Variants in DNM3 observed in about 807,000 individuals in gnomAD.
DNM3 encodes dynamin-3.
DNM3 carries 47 observed loss-of-function variants against 101.6 expected under a neutral mutation model. That is an observed-to-expected ratio of 0.46 (90% CI 0.37 to 0.59). The LOEUF is 0.59. Among genes scored for constraint, DNM3 ranks in the 20% least tolerant of loss-of-function variants. DNM3 has a pLI of 0.00. For missense variants in DNM3, 849 were observed against 1,085.7 expected (o/e 0.78, Z 3.06); for synonymous variants, 385 against 387.9 (o/e 0.99, Z 0.09).
intron 10 of DNM3, among the ~76,000 whole-genome samples, chr1:172,059,390 C>A (rs1250442578): frequency 2.7e-4 from 30 of 112,592 alleles, no homozygotes; most frequent in South Asian, 1.4e-3. Context: ...GAGACACAAC[C>A]AAAAAAGAGA....
intron 1 of DNM3, among the ~76,000 whole-genome samples, chr1:171,851,441 G>A (rs545930175): frequency 2.0e-5 from 3 of 152,252 alleles, no homozygotes; most frequent in Admixed American, 6.5e-5. Context: ...ACAGAGTCTC[G>A]CTCTGTCGTC....
intron 15 of DNM3, among the ~76,000 whole-genome samples, chr1:172,298,207 T>C (rs576247271): frequency 2.0e-5 from 3 of 152,354 alleles, no homozygotes; most frequent in South Asian, 2.1e-4. Flanking sequence ...TTCTCCTTCA[T>C]TGATGGACTG....
At position 172,408,234 on chromosome 1, in the gene DNM3, T is replaced by A. The variant is rs2071028361; in HGVS notation, c.*393T>A. 2 of 1,003,298 alleles carry A rather than the reference T, an allele frequency of 2.0e-6. No homozygotes were observed. Among genetic ancestry groups the A allele is most frequent in the Admixed American group, 1.1e-4 (2 of 18,234 alleles). The allele number at this position is 1,003,298 out of a possible 1,614,324, so 62.1% of individuals were successfully genotyped here. On this transcript the variant is annotated 3_prime_UTR_variant, in exon 21 of 21. Transcript: ENST00000627582. ...GGCTTAGACCTAAGCCATACATATTTCTTTTCCCACATTCTGTTTAGGATG... is the reference window on the plus strand; with the variant it reads ...GGCTTAGACCTAAGCCATACATATTACTTTTCCCACATTCTGTTTAGGATG...
chr1:172,296,572 G>A (rs916402641), intron 15 of DNM3, among the ~76,000 whole-genome samples: 1 of 152,226 alleles, frequency 6.6e-6, no homozygotes, highest in African/African-American at 2.4e-5. Flanking sequence ...ATACAGGGAT[G>A]TGGAATTCTT....
intron 15 of DNM3, among the ~76,000 whole-genome samples, chr1:172,280,509 G>A (rs1305366530): frequency 6.6e-6 from 1 of 152,174 alleles, no homozygotes; most frequent in African/African-American, 2.4e-5. Context: ...TTATGAATAT[G>A]CTACAGCTTA....
chr1:172,202,685 C>T (rs1440780696), intron 14 of DNM3, among the ~76,000 whole-genome samples: 3 of 152,050 alleles, frequency 2.0e-5, no homozygotes, highest in Non-Finnish European at 4.4e-5. Context: ...GTCAACTGGG[C>T]GTGAGAACTA....
At chr1:172,162,421 G>A (rs1408513169) in intron 14 of DNM3, among the ~76,000 whole-genome samples, 2 of 151,814 alleles carry the variant, frequency 1.3e-5, no homozygotes, top group African/African-American at 4.8e-5. Context: ...CCTGATTAAT[G>A]TCAAGTAGTT....
At chr1:171,925,563 T>C (rs2040505030) in intron 2 of DNM3, among the ~76,000 whole-genome samples, 1 of 152,216 alleles carries the variant, frequency 6.6e-6, no homozygotes, top group African/African-American at 2.4e-5. Flanking sequence ...ATTTGTTTTT[T>C]TCTTGTTGAT....
At chr1:172,396,677 A>G (rs1282888705) in intron 20 of DNM3, among the ~76,000 whole-genome samples, 2 of 152,240 alleles carry the variant, frequency 1.3e-5, no homozygotes, top group Admixed American at 6.5e-5. Context: ...TTATTTTACA[A>G]TCAAATATAC....
At chr1:172,345,604 AC>A (rs1176504173) in intron 17 of DNM3, among the ~76,000 whole-genome samples, 2 of 152,212 alleles carry the variant, frequency 1.3e-5, no homozygotes, top group Non-Finnish European at 2.9e-5. Flanking sequence ...ATCCATTAGA[AC>A]AAGTCTTCTT....
chr1:172,100,920 C>A (rs1024916212), intron 13 of DNM3, among the ~76,000 whole-genome samples: 1 of 152,138 alleles, frequency 6.6e-6, no homozygotes, highest in Admixed American at 6.5e-5. Flanking sequence ...GTCTTTCTCC[C>A]AGGATTTTCA....
At chr1:172,343,366 G>A (rs2066778033) in intron 17 of DNM3, among the ~76,000 whole-genome samples, 2 of 151,834 alleles carry the variant, frequency 1.3e-5, no homozygotes, top group African/African-American at 4.8e-5. Context: ...AACTGTTATA[G>A]ATTATGTCAG....
intron 17 of DNM3, among the ~76,000 whole-genome samples, chr1:172,350,316 TTGTGTGTG>T (rs5778730): frequency 1.3e-3 from 190 of 148,074 alleles, no homozygotes; most frequent in African/African-American, 4.1e-3. Context: ...CCATTTTATC[TTGTGTGTG>T]TGTGTGTGTG....
intron 2 of DNM3, among the ~76,000 whole-genome samples, chr1:171,965,322 T>A (rs2125520750): frequency 6.6e-6 from 1 of 151,626 alleles, no homozygotes; most frequent in South Asian, 2.1e-4. Flanking sequence ...GTGGGTGGAT[T>A]GCTTGAGGCC....
At chr1:172,256,461 A>C (rs368830952) in intron 15 of DNM3, among the ~76,000 whole-genome samples, 1 of 151,924 alleles carries the variant, frequency 6.6e-6, no homozygotes, top group African/African-American at 2.4e-5. Flanking sequence ...AACATTGTCC[A>C]TTCTGTTTTG....
chr1:172,330,550 TA>T (rs965194580), intron 17 of DNM3, among the ~76,000 whole-genome samples: 4 of 152,088 alleles, frequency 2.6e-5, no homozygotes, highest in Non-Finnish European at 5.9e-5. Flanking sequence ...GTTGAAATTT[TA>T]AAAATAAAGA....
chr1:172,205,863 T>G (rs1277577463), intron 14 of DNM3, among the ~76,000 whole-genome samples: 1 of 152,090 alleles, frequency 6.6e-6, no homozygotes, highest in Admixed American at 6.6e-5. Context: ...TTGCAATGAG[T>G]CTGATACCCT....
chr1:171,962,206 C>T (rs1251473046), intron 2 of DNM3, among the ~76,000 whole-genome samples: 1 of 152,230 alleles, frequency 6.6e-6, no homozygotes, highest in Non-Finnish European at 1.5e-5. Context: ...AAGATCCAAT[C>T]AACTCTTAGA....
intron 1 of DNM3, among the ~76,000 whole-genome samples, chr1:171,919,015 AT>A (rs2039944445): frequency 6.6e-6 from 1 of 151,928 alleles, no homozygotes; most frequent in African/African-American, 2.4e-5. Context: ...TGAAGAAAAT[AT>A]TTTATTGACT....
Sources: allele counts gnomAD v4.1 joint callset (sites outside exome capture counted in the v4.1 genomes callset), GRCh38; gene constraint gnomAD v4.1.1; transcripts MANE v1.5; gene names NCBI Gene and HGNC (gene_info 2026-07-23, HGNC 2026-07-21).